Variants in ROBO1 observed in about 807,000 individuals in gnomAD.
The protein encoded by ROBO1 is roundabout homolog 1.
Under a neutral mutation model 195.9 loss-of-function variants are expected in ROBO1, and 149 were observed. The observed-to-expected ratio is 0.76, with a 90% CI of 0.67 to 0.87. The LOEUF is 0.87. Ranked by LOEUF, ROBO1 falls within the 40% of genes least tolerant of loss-of-function variation. The pLI is 0.00. For missense variants in ROBO1, 1,933 were observed against 2,068.3 expected, an observed-to-expected ratio of 0.93 and a Z score of 1.27; for synonymous variants, 816 against 733.2, an observed-to-expected ratio of 1.11 and a Z score of -1.82.
At chr3:79,532,648 A>G (rs959368965) in intron 2 of ROBO1, among the ~76,000 whole-genome samples, 6 of 152,162 alleles carry the variant, frequency 3.9e-5, no homozygotes, top group African/African-American at 1.4e-4. Flanking sequence ...AATCAAATAC[A>G]AATGCACATC....
At position 78,603,493 on chromosome 3, in the gene ROBO1, G is replaced by A. The variant is rs553429681; in HGVS notation, c.4745-3184C>T. On this transcript the variant is annotated intron_variant, in intron 29 of 30. Transcript: ENST00000464233. ...TGACTACAAGCCCCTTGAAGTCAAGGTTTATGCTTATACATAAATCTCAGG... is the reference window on the plus strand; with the variant it reads ...TGACTACAAGCCCCTTGAAGTCAAGATTTATGCTTATACATAAATCTCAGG... 7.2e-5 allele frequency among the ~76,000 whole-genome samples: 11 copies of A among 152,104 alleles called. No homozygotes were observed. In the East Asian group the frequency reaches 1.7e-3, roughly 24 times the overall value.
intron 3 of ROBO1, among the ~76,000 whole-genome samples, chr3:79,002,433 C>T (rs953241499): frequency 3.9e-5 from 6 of 151,920 alleles, no homozygotes; most frequent in African/African-American, 1.5e-4. Context: ...TTAAATAATA[C>T]CTATAAGAAA....
intron 2 of ROBO1, among the ~76,000 whole-genome samples, chr3:79,578,155 C>A (rs1239003853): frequency 1.3e-5 from 2 of 152,078 alleles, no homozygotes; most frequent in Non-Finnish European, 2.9e-5. Flanking sequence ...ACACCAATTT[C>A]TCAGAAAGAT....
intron 3 of ROBO1, among the ~76,000 whole-genome samples, chr3:79,035,251 T>G (rs1041141840): frequency 1.4e-4 from 21 of 152,166 alleles, no homozygotes; most frequent in African/African-American, 5.1e-4. Context: ...TTTGGAGAAT[T>G]TTTATGAGAA....
intron 8 of ROBO1, among the ~76,000 whole-genome samples, chr3:78,691,245 A>G (rs1281321070): frequency 1.3e-5 from 2 of 152,110 alleles, no homozygotes. Context: ...TGTCCACTTG[A>G]TGTTTATGAT....
intron 2 of ROBO1, among the ~76,000 whole-genome samples, chr3:79,381,174 T>G (rs1359235831): frequency 6.6e-6 from 1 of 151,734 alleles, no homozygotes; most frequent in Non-Finnish European, 1.5e-5. Context: ...CTGGCCAACA[T>G]GGCGAAACCC....
At chr3:79,620,333 G>T (rs1274132969) in intron 1 of ROBO1, among the ~76,000 whole-genome samples, 1 of 152,144 alleles carries the variant, frequency 6.6e-6, no homozygotes, top group Non-Finnish European at 1.5e-5. Context: ...GACCATCACA[G>T]ACACTTTGGG....
At chr3:79,188,300 T>C (rs1056028474) in intron 2 of ROBO1, among the ~76,000 whole-genome samples, 2 of 151,930 alleles carry the variant, frequency 1.3e-5, no homozygotes, top group African/African-American at 4.8e-5. Context: ...CTTCTTTGAT[T>C]GACTGCATAA....
At chr3:79,283,576 G>A (rs2031668452) in intron 2 of ROBO1, among the ~76,000 whole-genome samples, 1 of 152,084 alleles carries the variant, frequency 6.6e-6, no homozygotes, top group South Asian at 2.1e-4. Flanking sequence ...GGAAATATCG[G>A]AATTGCTCAT....
rs768656275 is a variant in ROBO1, at chr3:78,662,010, T to C, written c.2071A>G (p.Ile691Val). The C allele has an allele frequency of 4.9e-5, 79 of 1,607,818 alleles. No homozygotes were observed. Among genetic ancestry groups the C allele is most frequent in the Middle Eastern group, 1.7e-4 (1 of 5,892 alleles). The change falls in exon 15 of 31, where the codon ATC becomes GTC. Residue 691 changes from isoleucine (I) to valine (V), a missense_variant. This residue lies in a region of ROBO1 where 1,737 missense variants were observed against 1,882.5 expected (regional missense o/e 0.92). Transcript: ENST00000464233. ...HNPTVLSSSS[I>V]EVHWTVDQQS... Reference sequence around the variant, plus strand: ...CAACTCACTGTCCAGTGCACTTCGATGGAAGAGGAAGAAAGGACGGTGGGG... The same window carrying C: ...CAACTCACTGTCCAGTGCACTTCGACGGAAGAGGAAGAAAGGACGGTGGGG...
chr3:79,173,724 C>G (rs947499099), intron 2 of ROBO1, among the ~76,000 whole-genome samples: 1 of 152,126 alleles, frequency 6.6e-6, no homozygotes, highest in Non-Finnish European at 1.5e-5. Flanking sequence ...GGTGCAGGAC[C>G]GGCAGGCAGC....
chr3:79,719,916 T>C (rs555052812), intron 1 of ROBO1, among the ~76,000 whole-genome samples: 16 of 152,316 alleles, frequency 1.1e-4, no homozygotes, highest in Non-Finnish European at 2.4e-4. Flanking sequence ...AGGTTCATAT[T>C]TGAGGGAGAG....
intron 2 of ROBO1, among the ~76,000 whole-genome samples, chr3:79,399,041 T>C (rs1009026100): frequency 1.3e-5 from 2 of 151,902 alleles, no homozygotes; most frequent in Non-Finnish European, 2.9e-5. Context: ...TGCTGAGAAA[T>C]AGAATAGGTC....
At chr3:79,367,516 T>A (rs2109325425) in intron 2 of ROBO1, among the ~76,000 whole-genome samples, 1 of 152,332 alleles carries the variant, frequency 6.6e-6, no homozygotes, top group Non-Finnish European at 1.5e-5. Context: ...GCTTAGAAGA[T>A]CCCCCACACA....
intron 3 of ROBO1, among the ~76,000 whole-genome samples, chr3:78,988,138 C>T (rs2077155176): frequency 6.6e-6 from 1 of 152,118 alleles, no homozygotes; most frequent in Admixed American, 6.5e-5. Context: ...CACAACCTAA[C>T]TATCCAAATG....
intron 2 of ROBO1, among the ~76,000 whole-genome samples, chr3:79,489,250 G>T (rs1939323673): frequency 6.6e-6 from 1 of 152,046 alleles, no homozygotes; most frequent in Non-Finnish European, 1.5e-5. Context: ...TAACATGAAT[G>T]TGAAGGTATG....
At chr3:78,648,805 A>G (rs1041000369) in intron 19 of ROBO1, among the ~76,000 whole-genome samples, 2 of 152,134 alleles carry the variant, frequency 1.3e-5, no homozygotes, top group African/African-American at 4.8e-5. Flanking sequence ...CACTGCCAGA[A>G]TTATATTTTC....
At chr3:79,557,303 A>G (rs1264134996) in intron 2 of ROBO1, among the ~76,000 whole-genome samples, 1 of 152,232 alleles carries the variant, frequency 6.6e-6, no homozygotes, top group East Asian at 1.9e-4. Context: ...AATGTCTCTT[A>G]TTTATCCGTG....
At chr3:79,216,382 C>T (rs1403819735) in intron 2 of ROBO1, among the ~76,000 whole-genome samples, 2 of 152,008 alleles carry the variant, frequency 1.3e-5, no homozygotes, top group African/African-American at 4.8e-5. Context: ...ATGAATTATG[C>T]ATGCATGATT....
Sources: gnomAD v4.1 joint callset for allele counts (sites outside exome capture counted in the v4.1 genomes callset) on GRCh38, gnomAD v4.1.1 for gene constraint, gnomAD v4.1.1 regional missense constraint, MANE v1.5 for transcripts, NCBI Gene and HGNC (gene_info 2026-07-23, HGNC 2026-07-21) for gene names.